Variants in COL11A2 observed in about 807,000 individuals in gnomAD.
COL11A2 encodes collagen alpha-2(XI) chain.
Under a neutral mutation model 273.4 loss-of-function variants are expected in COL11A2, and 116 were observed. That is an observed-to-expected ratio of 0.42 (90% CI 0.36 to 0.49). The LOEUF is 0.49. COL11A2 is among the 20% of genes least tolerant of loss of function. The pLI, the probability that COL11A2 is intolerant of heterozygous loss-of-function variation, is 0.00. For missense variants in COL11A2, 1,866 were observed against 2,309.0 expected, an observed-to-expected ratio of 0.81 and a Z score of 3.93; for synonymous variants, 782 against 864.2, an observed-to-expected ratio of 0.90 and a Z score of 1.67.
chr6:33,189,353 G>A lies in COL11A2; in HGVS notation c.199C>T (p.Gln67Ter). The A allele has an allele frequency of 1.2e-6, 2 of 1,613,492 alleles. No individual in the cohort carries two copies. The highest frequency in any genetic ancestry group is 1.7e-6 in the Non-Finnish European group (2 of 1,180,030). Reference sequence around the variant, plus strand: ...AGCTGGCGAGTGGGTGCACTGAGCTGGGCAGGTCGTGCCACTCGGTAGGCC... The same window carrying A: ...AGCTGGCGAGTGGGTGCACTGAGCTAGGCAGGTCGTGCCACTCGGTAGGCC... ...DVAYRVARPA[Q>*]LSAPTRQLFP... The change falls in exon 2 of 66, where the codon CAG (glutamine) becomes TAG (stop). Residue 67 changes from glutamine to a stop codon, truncating the protein, a stop_gained. Coordinates refer to ENST00000341947, the MANE Select transcript of COL11A2 (RefSeq NM_080680.3). LOFTEE classifies it high-confidence loss of function. The surrounding 1 kb of genome is among the most constrained non-coding windows in gnomAD (Gnocchi z 5.6).
At position 33,165,364 on chromosome 6, in the gene COL11A2, GA is replaced by G. The variant is rs1768962052; in HGVS notation, c.4750+184del. Among the ~76,000 whole-genome samples, 2 of 152,262 alleles carry G rather than the reference GA, an allele frequency of 1.3e-5. No individual in the cohort carries two copies. Among genetic ancestry groups the G allele is most frequent in the South Asian group, 4.1e-4 (2 of 4,822 alleles). The stretch of plus-strand genomic sequence containing the variant: ...GGCTGATAACCAACTGGTACACACT[GA>G]CCCAGATCAGTTGCTAAAGTATTGG... On this transcript the variant is annotated intron_variant, in intron 63 of 65. Transcript: ENST00000341947. This position sits in a 1 kb window ranked among gnomAD's most constrained non-coding sequence, Gnocchi z 7.7.
rs374270441 is a variant in COL11A2, at chr6:33,169,504, G to A, written c.3691-14C>T. On this transcript the variant is annotated splice_polypyrimidine_tract_variant and intron_variant, in intron 50 of 65. Transcript: ENST00000341947. The surrounding 1 kb of genome is among the most constrained non-coding windows in gnomAD (Gnocchi z 5.5). ...CCCGCGTGGACCCTGCAGAACAAGCGGAGGACACAGATGGCCCAGGGAATC... is the reference window on the plus strand; with the variant it reads ...CCCGCGTGGACCCTGCAGAACAAGCAGAGGACACAGATGGCCCAGGGAATC... 4.3e-5 allele frequency: 69 copies of A among 1,610,956 alleles called. No homozygotes were observed. The highest frequency in any genetic ancestry group is 2.4e-4 in the South Asian group (22 of 91,032).
intron 8 of COL11A2, among the ~76,000 whole-genome samples, chr6:33,182,136 T>G (rs999985923): frequency 1.3e-5 from 2 of 151,798 alleles, no homozygotes; most frequent in Non-Finnish European, 2.9e-5. Flanking sequence ...TAGCTGGGTG[T>G]GGTGGCACAT....
In COL11A2 at chr6:33,169,483, C is replaced by A. The variant is rs746286026; in HGVS notation, c.3698G>T (p.Arg1233Leu). The change falls in exon 51 of 66, where the codon CGC becomes CTC. Residue 1233 changes from arginine (R) to leucine (L), a missense_variant. By Grantham distance (102) the Arg-to-Leu change is moderately radical. Transcript: ENST00000341947. This position sits in a 1 kb window ranked among gnomAD's most constrained non-coding sequence, Gnocchi z 5.5. ...CTCTCCTTTCTCTCCACGTTCCCCGCGTGGACCCTGCAGAACAAGCGGAGG... is the reference window on the plus strand; with the variant it reads ...CTCTCCTTTCTCTCCACGTTCCCCGAGTGGACCCTGCAGAACAAGCGGAGG... Reference protein sequence around the residue: ...IQGEPGVKGPRGERGEKGESG... With the variant: ...IQGEPGVKGPLGERGEKGESG... 5 of 1,612,904 alleles carry A rather than the reference C, an allele frequency of 3.1e-6. No homozygotes were observed. Among genetic ancestry groups the A allele is most frequent in the Non-Finnish European group, 4.2e-6 (5 of 1,180,018 alleles).
chr6:33,169,888 C>A lies in COL11A2; in HGVS notation c.3637-4G>T. The A allele has an allele frequency of 6.2e-7, 1 of 1,614,126 alleles. No individual in the cohort carries two copies. The highest frequency in any genetic ancestry group is 2.2e-5 in the East Asian group (1 of 44,864). ...ATCCTGACTCTCCTGGTTCCCCCTGCAAAGAGATTAGAGTCAAAAACCTCC... is the reference window on the plus strand; with the variant it reads ...ATCCTGACTCTCCTGGTTCCCCCTGAAAAGAGATTAGAGTCAAAAACCTCC... On this transcript the variant is annotated splice_polypyrimidine_tract_variant and splice_region_variant and intron_variant, in intron 49 of 65. Transcript: ENST00000341947. The surrounding 1 kb of genome is among the most constrained non-coding windows in gnomAD (Gnocchi z 5.5).
In COL11A2 at chr6:33,168,722, C is replaced by T. The variant is rs1583299412; in HGVS notation, c.3890G>A (p.Gly1297Asp). 1 of 1,593,312 alleles carries T rather than the reference C, an allele frequency of 6.3e-7. No homozygotes were observed. The highest frequency in any genetic ancestry group is 8.5e-7 in the Non-Finnish European group (1 of 1,169,604). The change falls in exon 53 of 66, where the codon GGT (glycine) becomes GAT (aspartate). Residue 1297 changes from glycine to aspartate, a missense_variant. Transcript: ENST00000341947. ...GGCACTCACAGGCTGTCCTGGCTCA[C>T]CATCCTCGCCTCGGTCACCCTTAGC... ...DGAKGDRGED[G>D]EPGQPGSPGP...
chr6:33,181,375 C>A (rs2855416), intron 8 of COL11A2, among the ~76,000 whole-genome samples: 61 of 152,274 alleles, frequency 4.0e-4, no homozygotes, highest in South Asian at 6.2e-4. Context: ...CCCTGCCCCC[C>A]CAGTTCCCAG....
chr6:33,168,434 C>G, intron 54 of COL11A2, 85 bp downstream of exon 54: 2 of 1,455,158 alleles, frequency 1.4e-6, no homozygotes, highest in Non-Finnish European at 1.9e-6. Context: ...GGCACCTCCC[C>G]ACCCATCCCA....
At position 33,165,989 on chromosome 6, in the gene COL11A2, C is replaced by T. The variant is rs775218465; in HGVS notation, c.4429-5G>A. On this transcript the variant is annotated splice_polypyrimidine_tract_variant and splice_region_variant and intron_variant, in intron 61 of 65. Transcript: ENST00000341947. The surrounding 1 kb of genome is among the most constrained non-coding windows in gnomAD (Gnocchi z 7.7). The stretch of plus-strand genomic sequence containing the variant: ...TCCCTTGGGTCCGCCTGGGCCCTGA[C>T]AAGGAATAAATCAGGTCATGGAGGG... The T allele has an allele frequency of 3.1e-6, 5 of 1,613,982 alleles. No homozygotes were observed. Among genetic ancestry groups the T allele is most frequent in the South Asian group, 2.2e-5 (2 of 91,080 alleles).
intron 40 of COL11A2, 89 bp from the exon 41 acceptor site, chr6:33,172,192 G>A (rs1188096409): frequency 2.0e-5 from 31 of 1,583,646 alleles, no homozygotes; most frequent in Non-Finnish European, 2.5e-5. Flanking sequence ...AAAGATGGAA[G>A]TGGGGAGTGA....
intron 39 of COL11A2, 36 bp downstream of exon 39, chr6:33,172,494 C>A: frequency 6.3e-7 from 1 of 1,597,164 alleles, no homozygotes; most frequent in Non-Finnish European, 8.6e-7. Context: ...CAATCCCCAG[C>A]TCCCCCACTT....
At position 33,172,362 on chromosome 6, in the gene COL11A2, G is replaced by A. The variant is rs1307671395; in HGVS notation, c.2915C>T (p.Pro972Leu). 6.3e-7 allele frequency: 1 copy of A among 1,587,478 alleles called. No individual in the cohort carries two copies. Among genetic ancestry groups the A allele is most frequent in the East Asian group, 2.3e-5 (1 of 43,952 alleles). Residue 972 changes from proline (P) to leucine (L), a missense_variant, in exon 40 of 66, where the codon CCT becomes CTT. Physicochemically the swap from Pro to Leu is moderately conservative, Grantham distance 98. Coordinates refer to ENST00000341947, the MANE Select transcript of COL11A2 (RefSeq NM_080680.3). ...AGGACCATCCTTCCCTGGGGCCCCAGGGGGACCAGGGTCACCCTAAAAGGA... is the reference window on the plus strand; with the variant it reads ...AGGACCATCCTTCCCTGGGGCCCCAAGGGGACCAGGGTCACCCTAAAAGGA... ...KEGTKGDPGP[P>L]GAPGKDGPAG...
chr6:33,163,841 A>C lies in COL11A2; in HGVS notation c.5071-23T>G, dbSNP rs1357330915. 2 of 1,612,654 alleles carry C rather than the reference A, an allele frequency of 1.2e-6. No homozygotes were observed. The highest frequency in any genetic ancestry group is 1.7e-6 in the Non-Finnish European group (2 of 1,179,884). ...TGTCTTCAGGGGGAGACAAGGAAGA[A>C]AGTGTGAGCAGGATGGAGGCACCCC... is the stretch of plus-strand genomic sequence containing the variant. On this transcript the variant is annotated intron_variant, in intron 65 of 65. Coordinates refer to ENST00000341947, the MANE Select transcript of COL11A2 (RefSeq NM_080680.3). The surrounding 1 kb of genome is among the most constrained non-coding windows in gnomAD (Gnocchi z 4.1).
In COL11A2 at chr6:33,189,254, T is replaced by C. The variant is rs548271469; in HGVS notation, c.232+66A>G. On this transcript the variant is annotated intron_variant, in intron 2 of 65. Coordinates refer to ENST00000341947, the MANE Select transcript of COL11A2 (RefSeq NM_080680.3). The surrounding 1 kb of genome is among the most constrained non-coding windows in gnomAD (Gnocchi z 5.6). ...GGAGCCGCCACAACCCCTTTCCTCC[T>C]GGTGTCTGATCCTAGGCCCCATCCC... is the stretch of plus-strand genomic sequence containing the variant. 1.2e-6 allele frequency: 2 copies of C among 1,613,444 alleles called. No individual in the cohort carries two copies. Among genetic ancestry groups the C allele is most frequent in the East Asian group, 4.5e-5 (2 of 44,892 alleles).
At position 33,172,202 on chromosome 6, in the gene COL11A2, A is replaced by T. The variant is rs573085619; in HGVS notation, c.2988+87T>A. The stretch of plus-strand genomic sequence containing the variant: ...CTCCAAAAGATGGAAGTGGGGAGTG[A>T]CATGGAGGGGGTCAGGGACAGGGTC... On this transcript the variant is annotated intron_variant, in intron 40 of 65. Coordinates refer to ENST00000341947, the MANE Select transcript of COL11A2 (RefSeq NM_080680.3). The T allele has an allele frequency of 2.9e-5, 43 of 1,468,382 alleles. No homozygotes were observed. In the African/African-American group the frequency reaches 5.5e-4, roughly 19 times the overall value. The allele number at this position is 1,468,382 out of a possible 1,614,324, so 91.0% of individuals were successfully genotyped here.
At position 33,192,241 on chromosome 6, in the gene COL11A2, G is replaced by A. The variant is rs1237273497; in HGVS notation, c.-1C>T. 2.1e-5 allele frequency: 32 copies of A among 1,557,388 alleles called. No homozygotes were observed. The Admixed American group carries it at 4.9e-4, about 24-fold the overall frequency. Reference sequence around the variant, plus strand: ...GATGGCAGCGGCTGCACCGCTCCATGGCTGAGAAGCCGAAACGCCGGGTCC... The same window carrying A: ...GATGGCAGCGGCTGCACCGCTCCATAGCTGAGAAGCCGAAACGCCGGGTCC... On this transcript the variant is annotated 5_prime_UTR_variant, in exon 1 of 66. Transcript: ENST00000341947.
Position 33,166,215 on chromosome 6 carries a change from T to A in COL11A2, c.4393-9A>T. Reference sequence around the variant, plus strand: ...TTGGGGCCAGCAGGTCCCTGTGAAATGAGGAACAAGAAAGAGACGGTCACT... The same window carrying A: ...TTGGGGCCAGCAGGTCCCTGTGAAAAGAGGAACAAGAAAGAGACGGTCACT... On this transcript the variant is annotated splice_polypyrimidine_tract_variant and intron_variant, in intron 60 of 65. Transcript: ENST00000341947. This position sits in a 1 kb window ranked among gnomAD's most constrained non-coding sequence, Gnocchi z 4.8. The A allele has an allele frequency of 6.3e-7, 1 of 1,596,582 alleles. No homozygotes were observed. The highest frequency in any genetic ancestry group is 1.1e-5 in the South Asian group (1 of 88,046).
At chr6:33,171,898 C>A in intron 41 of COL11A2, 78 bp from the exon 42 acceptor site, 3 of 1,560,328 alleles carry the variant, frequency 1.9e-6, no homozygotes, top group Non-Finnish European at 2.6e-6. Flanking sequence ...CCACAATTCC[C>A]AAAAGCTCCC....
chr6:33,163,561 C>T lies in COL11A2; in HGVS notation c.*117G>A, dbSNP rs1768641865. ...CTGCCCCGACTGAGGGCTCTCCACGCCCTGGCCCAGGGCTCCCTAGATAGT... is the reference window on the plus strand; with the variant it reads ...CTGCCCCGACTGAGGGCTCTCCACGTCCTGGCCCAGGGCTCCCTAGATAGT... On this transcript the variant is annotated 3_prime_UTR_variant, in exon 66 of 66. Coordinates refer to ENST00000341947, the MANE Select transcript of COL11A2 (RefSeq NM_080680.3). This position sits in a 1 kb window ranked among gnomAD's most constrained non-coding sequence, Gnocchi z 4.1. 2 of 1,547,618 alleles carry T rather than the reference C, an allele frequency of 1.3e-6. No individual in the cohort carries two copies. Among genetic ancestry groups the T allele is most frequent in the African/African-American group, 2.7e-5 (2 of 73,626 alleles).
Sources: allele counts gnomAD v4.1 joint callset (sites outside exome capture counted in the v4.1 genomes callset), GRCh38; gene constraint gnomAD v4.1.1; non-coding constraint Gnocchi (gnomAD v3.1); transcripts MANE v1.5; gene names NCBI Gene and HGNC (gene_info 2026-07-23, HGNC 2026-07-21).